Variants in KCNH7 observed in about 807,000 individuals in gnomAD.
The protein encoded by KCNH7 is potassium voltage-gated channel subfamily H member 7, also known as voltage-gated inwardly rectifying potassium channel KCNH7.
KCNH7 carries 49 observed loss-of-function variants against 120.8 expected under a neutral mutation model. The observed-to-expected ratio is 0.41, with a 90% CI of 0.32 to 0.51. KCNH7 has a LOEUF of 0.51. Among genes scored for constraint, KCNH7 ranks in the 20% least tolerant of loss-of-function variants. The probability of loss-of-function intolerance (pLI) is 0.38; values close to 1 mark genes in which losing one functional copy is unlikely to be tolerated. For synonymous variants in KCNH7, 547 were observed against 516.1 expected, an observed-to-expected ratio of 1.06 and a Z score of -0.81; for missense variants, 1,097 against 1,446.6, an observed-to-expected ratio of 0.76 and a Z score of 3.92.
chr2:162,778,946 C>CTTTTTTTTTT (rs200107249), intron 2 of KCNH7, among the ~76,000 whole-genome samples: 3 of 136,492 alleles, frequency 2.2e-5, no homozygotes, highest in Non-Finnish European at 4.8e-5. Context: ...GGAACAAATT[C>CTTTTTTTTTT]TTTTTTTTTT....
At chr2:162,534,471 C>T (rs1381665355) in intron 3 of KCNH7, among the ~76,000 whole-genome samples, 2 of 151,230 alleles carry the variant, frequency 1.3e-5, no homozygotes, top group African/African-American at 4.8e-5. Flanking sequence ...TACTACCTTG[C>T]ATAATTCTAT....
intron 14 of KCNH7, among the ~76,000 whole-genome samples, chr2:162,375,778 G>A (rs935300286): frequency 4.0e-5 from 6 of 151,760 alleles, no homozygotes; most frequent in African/African-American, 1.5e-4. Flanking sequence ...CAGGTGTGGT[G>A]GTGTGCACCT....
chr2:162,581,306 C>A (rs1693857390), intron 2 of KCNH7, among the ~76,000 whole-genome samples: 1 of 152,074 alleles, frequency 6.6e-6, no homozygotes, highest in Non-Finnish European at 1.5e-5. Context: ...AATAATTGCA[C>A]TTTTGTATCC....
chr2:162,413,429 A>G (rs1294313442), intron 9 of KCNH7, among the ~76,000 whole-genome samples: 7 of 152,100 alleles, frequency 4.6e-5, no homozygotes, highest in Admixed American at 4.6e-4. Context: ...GCCCAGCCAA[A>G]CCATTCTTAT....
intron 2 of KCNH7, 67 bp downstream of exon 2, chr2:162,836,470 C>A (rs1354483450): frequency 3.9e-6 from 5 of 1,297,978 alleles, no homozygotes; most frequent in Non-Finnish European, 5.5e-6. Flanking sequence ...TGCATATGAA[C>A]TTTTAATAGT....
intron 2 of KCNH7, among the ~76,000 whole-genome samples, chr2:162,582,227 T>C (rs981063102): frequency 6.6e-6 from 1 of 152,102 alleles, no homozygotes; most frequent in Non-Finnish European, 1.5e-5. Context: ...GATGTTAAGC[T>C]GAGATTTGCT....
chr2:162,457,016 A>G (rs1490555640), intron 6 of KCNH7, among the ~76,000 whole-genome samples: 1 of 152,004 alleles, frequency 6.6e-6, no homozygotes, highest in East Asian at 1.9e-4. Context: ...GTCAATTTTA[A>G]TTTTTAATGA....
At chr2:162,568,221 A>G (rs1693327954) in intron 2 of KCNH7, among the ~76,000 whole-genome samples, 2 of 152,004 alleles carry the variant, frequency 1.3e-5, no homozygotes, top group Non-Finnish European at 2.9e-5. Flanking sequence ...AACCACCCCC[A>G]TGATTCAATT....
At chr2:162,551,404 A>C (rs1302570166) in intron 2 of KCNH7, among the ~76,000 whole-genome samples, 6 of 152,204 alleles carry the variant, frequency 3.9e-5, no homozygotes, top group African/African-American at 1.2e-4. Context: ...TTTCAAAATG[A>C]ATAAATTGTG....
At chr2:162,817,958 A>G (rs1684974507) in intron 2 of KCNH7, among the ~76,000 whole-genome samples, 1 of 152,122 alleles carries the variant, frequency 6.6e-6, no homozygotes, top group Non-Finnish European at 1.5e-5. Context: ...ATATGTACAT[A>G]CCTGTAGAAA....
Position 162,652,725 on chromosome 2 carries a change from G to T in KCNH7, c.308-115645C>A, listed in dbSNP as rs181010488. On this transcript the variant is annotated intron_variant, in intron 2 of 15. Transcript: ENST00000332142. ...ACTGTCACTTGTCCATGGCCCGGGG[G>T]CTGGGGACCCCTGTTGTACAGTAAT... Among the ~76,000 whole-genome samples, 103 of 152,268 alleles carry T rather than the reference G, an allele frequency of 6.8e-4. 2 individuals carry two copies. In the East Asian group the frequency reaches 0.019, roughly 29 times the overall value.
chr2:162,648,001 A>G (rs1357998682), intron 2 of KCNH7, among the ~76,000 whole-genome samples: 1 of 152,186 alleles, frequency 6.6e-6, no homozygotes, highest in Non-Finnish European at 1.5e-5. Flanking sequence ...CAAATTCTGC[A>G]TAATATTGGT....
At chr2:162,603,371 T>C (rs1439749810) in intron 2 of KCNH7, among the ~76,000 whole-genome samples, 2 of 152,102 alleles carry the variant, frequency 1.3e-5, no homozygotes, top group Non-Finnish European at 2.9e-5. Context: ...TTCTCATTTG[T>C]TCTTAAATTT....
At chr2:162,573,434 A>T (rs1448384387) in intron 2 of KCNH7, among the ~76,000 whole-genome samples, 1 of 152,094 alleles carries the variant, frequency 6.6e-6, no homozygotes, top group Non-Finnish European at 1.5e-5. Context: ...TAATAGCATA[A>T]TTAAAATAAA....
chr2:162,400,241 T>C lies in KCNH7; in HGVS notation c.2355A>G (p.Leu785=). ...TGAGAATTTCAATGGAGCCTCTGGA[T>C]AAGAAATAAAGTGCAGTGAGGACAT... The part of the protein sequence containing the change: ...CGDVLTALYF[L]SRGSIEILKD... Residue 785 remains leucine, a synonymous_variant, in exon 10 of 16, where the codon TTA becomes TTG. Transcript: ENST00000332142. The C allele has an allele frequency of 6.2e-7, 1 of 1,612,208 alleles. No individual in the cohort carries two copies. Among genetic ancestry groups the C allele is most frequent in the Non-Finnish European group, 8.5e-7 (1 of 1,178,854 alleles).
intron 6 of KCNH7, among the ~76,000 whole-genome samples, chr2:162,482,857 A>G (rs913921256): frequency 3.3e-5 from 5 of 152,196 alleles, no homozygotes; most frequent in African/African-American, 4.8e-5. Context: ...CTGAAAGTGT[A>G]TACTTAATAT....
intron 2 of KCNH7, among the ~76,000 whole-genome samples, chr2:162,768,693 C>CT (rs527480390): frequency 4.5e-4 from 68 of 152,208 alleles, no homozygotes; most frequent in Admixed American, 1.5e-3. Context: ...GTTCTGCAGC[C>CT]TTTTCATAGG....
intron 6 of KCNH7, among the ~76,000 whole-genome samples, chr2:162,484,399 A>G (rs1574014489): frequency 6.6e-6 from 1 of 152,134 alleles, no homozygotes; most frequent in Admixed American, 6.5e-5. Context: ...TATGCTAAGG[A>G]GCACAAGTTT....
intron 2 of KCNH7, among the ~76,000 whole-genome samples, chr2:162,704,750 C>A (rs1283020442): frequency 6.6e-6 from 1 of 152,196 alleles, no homozygotes; most frequent in African/African-American, 2.4e-5. Context: ...CCATGACCTC[C>A]ACTTGGCATA....
Sources: gnomAD v4.1 joint callset for allele counts (sites outside exome capture counted in the v4.1 genomes callset) on GRCh38, gnomAD v4.1.1 for gene constraint, MANE v1.5 for transcripts, NCBI Gene and HGNC (gene_info 2026-07-23, HGNC 2026-07-21) for gene names.